Variants in CD109 observed in about 807,000 individuals in gnomAD.
CD109 encodes the protein CD109 molecule.
A neutral mutation model predicts 165.8 loss-of-function variants in CD109; 149 were observed. The observed-to-expected ratio is 0.90, with a 90% CI of 0.79 to 1.03. The LOEUF (loss-of-function observed/expected upper bound fraction) is 1.03, where lower values mean the gene tolerates loss of function less well. Among genes scored for constraint, CD109 ranks in the 50% least tolerant of loss-of-function variants. The probability of loss-of-function intolerance (pLI) is 0.00; values close to 1 mark genes in which losing one functional copy is unlikely to be tolerated. For missense variants in CD109, 1,712 were observed against 1,677.8 expected (o/e 1.02, Z -0.36); for synonymous variants, 585 against 592.1 (o/e 0.99, Z 0.18).
chr6:73,771,682 C>T, intron 15 of CD109, 101 bp downstream of exon 15: 1 of 717,320 alleles, frequency 1.4e-6, no homozygotes, highest in Non-Finnish European at 2.1e-6. Context: ...TCATTAGTTC[C>T]TTTGCATGTG....
At chr6:73,817,004 G>C (rs528828521) in intron 30 of CD109, among the ~76,000 whole-genome samples, 13 of 152,336 alleles carry the variant, frequency 8.5e-5, no homozygotes, top group African/African-American at 2.9e-4. Flanking sequence ...ATGTTTTCAT[G>C]TGAGGGTAGG....
chr6:73,725,073 A>G (rs914204740), intron 3 of CD109, among the ~76,000 whole-genome samples: 1 of 152,222 alleles, frequency 6.6e-6, no homozygotes, highest in African/African-American at 2.4e-5. Context: ...CCTAAGAAAT[A>G]TACTGCTGCT....
intron 2 of CD109, among the ~76,000 whole-genome samples, chr6:73,720,834 G>A (rs1274305901): frequency 6.6e-6 from 1 of 152,060 alleles, no homozygotes; most frequent in African/African-American, 2.4e-5. Flanking sequence ...CTTTTGATTG[G>A]GCCAGGCCTC....
At chr6:73,692,869 T>C (rs528671373), upstream of CD109, among the ~76,000 whole-genome samples, 1 of 152,322 alleles carries the variant, frequency 6.6e-6, no homozygotes, top group East Asian at 1.9e-4. Context: ...CCACCATAAT[T>C]GTGAGGCCTC....
At chr6:73,728,151 T>C (rs997437254) in intron 3 of CD109, among the ~76,000 whole-genome samples, 4 of 152,090 alleles carry the variant, frequency 2.6e-5, no homozygotes, top group Admixed American at 2.0e-4. Flanking sequence ...TAAAACCTTT[T>C]CTCTACTAAA....
At chr6:73,696,539 T>A (rs983437415) in intron 1 of CD109, among the ~76,000 whole-genome samples, 1 of 152,248 alleles carries the variant, frequency 6.6e-6, no homozygotes, top group Admixed American at 6.5e-5. Flanking sequence ...CATAACAACT[T>A]TCTGAAGAGA....
At chr6:73,803,609 G>T (rs1333432474) in intron 24 of CD109, among the ~76,000 whole-genome samples, 1 of 150,356 alleles carries the variant, frequency 6.7e-6, no homozygotes, top group African/African-American at 2.5e-5. Context: ...AGAAATGCCG[G>T]GTGATTGTGA....
At position 73,811,016 on chromosome 6, in the gene CD109, C is replaced by G; in HGVS notation, c.3571C>G (p.Leu1191Val). 1.2e-6 allele frequency: 2 copies of G among 1,613,290 alleles called. No individual in the cohort carries two copies. The highest frequency in any genetic ancestry group is 1.7e-6 in the Non-Finnish European group (2 of 1,179,440). Residue 1191 changes from leucine to valine, a missense_variant, in exon 28 of 33, where the codon CTG becomes GTG. Transcript: ENST00000287097. ...TQDTTVALKA[L>V]SEFAALMNTE... ...GGATACCACTGTGGCTTTAAAGGCTCTGTCTGAATTTGCAGCCCTAATGAA... is the reference window on the plus strand; with the variant it reads ...GGATACCACTGTGGCTTTAAAGGCTGTGTCTGAATTTGCAGCCCTAATGAA...
chr6:73,683,309 T>G, the CD109 span, among the ~76,000 whole-genome samples: 104 of 152,302 alleles, frequency 6.8e-4, no homozygotes, highest in African/African-American at 2.4e-3. Context: ...CTAGTTCAAA[T>G]TTCCAGAAAT....
chr6:73,757,212 T>C (rs1773430203), intron 6 of CD109, among the ~76,000 whole-genome samples: 1 of 152,176 alleles, frequency 6.6e-6, no homozygotes, highest in South Asian at 2.1e-4. Flanking sequence ...TGAATAGTTA[T>C]TTTGAGGTTG....
chr6:73,699,622 C>T, intron 2 of CD109, among the ~76,000 whole-genome samples: 1 of 151,922 alleles, frequency 6.6e-6, no homozygotes, highest in East Asian at 1.9e-4. Context: ...ATTCTTAGAT[C>T]TTCTTTTGGG....
Position 73,696,260 on chromosome 6 carries a change from G to C in CD109, c.45G>C (p.Val15=). The part of the protein sequence containing the change: ...PLLTAAHLLC[V]CTAALAVAPG... ...TGACCGCCGCCCACCTCCTCTGCGT[G>C]TGCACCGCCGCGCTGGCCGTGGCTC... The change falls in exon 1 of 33, where the codon GTG becomes GTC. Residue 15 remains valine, a synonymous_variant. Transcript: ENST00000287097. 6.5e-7 allele frequency: 1 copy of C among 1,535,980 alleles called. No homozygotes were observed. Among genetic ancestry groups the C allele is most frequent in the Non-Finnish European group, 8.7e-7 (1 of 1,146,372 alleles).
At chr6:73,804,065 A>G (rs1775480952) in intron 24 of CD109, 1 of 152,234 alleles carries the variant, frequency 6.6e-6, no homozygotes, top group Admixed American at 6.5e-5. Context: ...AGCACTGGCA[A>G]TTAGAGACTT....
Position 73,806,996 on chromosome 6 carries a change from T to C in CD109, c.3113T>C (p.Leu1038Pro), listed in dbSNP as rs1582192303. The C allele has an allele frequency of 6.2e-7, 1 of 1,614,064 alleles. No individual in the cohort carries two copies. The highest frequency in any genetic ancestry group is 8.5e-7 in the Non-Finnish European group (1 of 1,179,984). The change falls in exon 25 of 33, where the codon CTT (leucine) becomes CCT (proline). Residue 1038 changes from leucine (L) to proline (P), a missense_variant. Transcript: ENST00000287097. ...WDPGRVIHSELQGGNKSPVTL... is the reference protein window; with the variant it reads ...WDPGRVIHSEPQGGNKSPVTL... ...CCAGGAAGAGTGATTCATAGTGAGC[T>C]TCAAGGTGGCAATAAAAGTCCAGTA... is the stretch of plus-strand genomic sequence containing the variant.
chr6:73,736,718 T>TGTTG (rs1582081127), intron 5 of CD109, among the ~76,000 whole-genome samples: 2 of 152,376 alleles, frequency 1.3e-5, no homozygotes, highest in East Asian at 3.8e-4. Flanking sequence ...AACTGTTGTC[T>TGTTG]TTTTCTATGA....
intron 25 of CD109, 56 bp from the exon 26 acceptor site, chr6:73,808,027 A>T: frequency 6.7e-7 from 1 of 1,494,774 alleles, no homozygotes; most frequent in Non-Finnish European, 9.1e-7. Context: ...TTTTTGTTTC[A>T]GTATGTGGTA....
At chr6:73,775,811 G>A (rs1369763865) in intron 15 of CD109, among the ~76,000 whole-genome samples, 1 of 152,162 alleles carries the variant, frequency 6.6e-6, no homozygotes, top group African/African-American at 2.4e-5. Context: ...TAAGGATAAT[G>A]ACCTCCAGCT....
intron 23 of CD109, among the ~76,000 whole-genome samples, chr6:73,799,848 T>TC (rs59544914): frequency 0.37 from 54,516 of 145,874 alleles, 10,531 homozygotes; most frequent in African/African-American, 0.45. Context: ...TTTTCTCATT[T>TC]CCCCCCGCAA....
chr6:73,760,264 G>A (rs1476099360), intron 7 of CD109, among the ~76,000 whole-genome samples: 1 of 151,774 alleles, frequency 6.6e-6, no homozygotes, highest in African/African-American at 2.4e-5. Flanking sequence ...AAAATTAGCC[G>A]GGCGCGGTGG....
Sources: gnomAD v4.1 joint callset for allele counts (sites outside exome capture counted in the v4.1 genomes callset) on GRCh38, gnomAD v4.1.1 for gene constraint, MANE v1.5 for transcripts, NCBI Gene and HGNC (gene_info 2026-07-23, HGNC 2026-07-21) for gene names.